DGKI: variants seen among roughly 807,000 people sequenced by gnomAD.
DGKI encodes DAG kinase iota.
DGKI carries 55 observed loss-of-function variants against 147.5 expected under a neutral mutation model. That is an observed-to-expected ratio of 0.37 (90% CI 0.30 to 0.47). The LOEUF (loss-of-function observed/expected upper bound fraction) is 0.47. Ranked by LOEUF, DGKI falls within the 20% of genes least tolerant of loss-of-function variation. The pLI is 1.00. For synonymous variants in DGKI, 469 were observed against 477.1 expected, an observed-to-expected ratio of 0.98 and a Z score of 0.22; for missense variants, 1,007 against 1,323.8, an observed-to-expected ratio of 0.76 and a Z score of 3.71.
chr7:137,710,716 A>G (rs554941244), intron 1 of DGKI, among the ~76,000 whole-genome samples: 19 of 152,280 alleles, frequency 1.2e-4, no homozygotes, highest in African/African-American at 4.6e-4. Context: ...CAAAGTGAAC[A>G]GAAGTATTTA....
intron 1 of DGKI, among the ~76,000 whole-genome samples, chr7:137,819,922 T>C (rs1797849894): frequency 6.6e-6 from 1 of 152,246 alleles, no homozygotes; most frequent in South Asian, 2.1e-4. Flanking sequence ...AGTTCAAATG[T>C]CACTACCGCT....
At chr7:137,536,175 T>C (rs991740136) in intron 20 of DGKI, among the ~76,000 whole-genome samples, 59 of 152,150 alleles carry the variant, frequency 3.9e-4, no homozygotes, top group African/African-American at 1.4e-3. Flanking sequence ...AGAAGTGATA[T>C]TGACAGCAGA....
intron 16 of DGKI, among the ~76,000 whole-genome samples, chr7:137,577,729 C>G (rs1206737885): frequency 1.3e-5 from 2 of 152,154 alleles, no homozygotes; most frequent in African/African-American, 2.4e-5. Flanking sequence ...TAAATTTAAA[C>G]TGTACTGATA....
At chr7:137,781,793 C>T (rs1796525971) in intron 1 of DGKI, among the ~76,000 whole-genome samples, 1 of 152,070 alleles carries the variant, frequency 6.6e-6, no homozygotes, top group Admixed American at 6.5e-5. Flanking sequence ...AGGACATGTC[C>T]CACTGTGCAG....
chr7:137,814,449 A>G (rs1363109426), intron 1 of DGKI, among the ~76,000 whole-genome samples: 5 of 152,016 alleles, frequency 3.3e-5, no homozygotes, highest in Non-Finnish European at 7.4e-5. Flanking sequence ...TTAGTTCATT[A>G]TTTTTCCCAC....
intron 1 of DGKI, among the ~76,000 whole-genome samples, chr7:137,718,881 T>G (rs1794464493): frequency 6.6e-6 from 1 of 152,192 alleles, no homozygotes; most frequent in African/African-American, 2.4e-5. Context: ...GTGGCCAATG[T>G]GATCACTGCA....
chr7:137,761,521 T>A (rs898303927), intron 1 of DGKI, among the ~76,000 whole-genome samples: 2 of 152,220 alleles, frequency 1.3e-5, no homozygotes, highest in Admixed American at 6.5e-5. Flanking sequence ...ATGACTATTT[T>A]CTTACCTGAA....
chr7:137,418,178 G>A (rs1004409628), intron 28 of DGKI, among the ~76,000 whole-genome samples: 1 of 152,146 alleles, frequency 6.6e-6, no homozygotes, highest in Non-Finnish European at 1.5e-5. Context: ...CAGACCTCCT[G>A]GGTTTAAGTC....
chr7:137,516,663 T>A (rs1816755671), intron 21 of DGKI, among the ~76,000 whole-genome samples: 1 of 152,058 alleles, frequency 6.6e-6, no homozygotes. Context: ...ATAAATTATG[T>A]TATAATGTTG....
chr7:137,473,103 G>T (rs1199434047), intron 23 of DGKI, among the ~76,000 whole-genome samples: 2 of 152,098 alleles, frequency 1.3e-5, no homozygotes, highest in Admixed American at 1.3e-4. Context: ...AATATAGATG[G>T]TATATATCTT....
chr7:137,709,439 T>C lies in DGKI; in HGVS notation c.402-19437A>G, dbSNP rs914079242. ...GACTAAATCTGAAAGATTCCACTCA[T>C]CTTAAAGACTACAAGAAAAATGTTC... On this transcript the variant is annotated intron_variant, in intron 1 of 32. Transcript: ENST00000614521. 2.6e-5 allele frequency among the ~76,000 whole-genome samples: 4 copies of C among 152,200 alleles called. No homozygotes were observed. In the East Asian group the frequency reaches 7.7e-4, roughly 29 times the overall value.
chr7:137,462,495 C>T (rs550046518), intron 27 of DGKI, among the ~76,000 whole-genome samples: 10 of 152,266 alleles, frequency 6.6e-5, no homozygotes, highest in African/African-American at 9.6e-5. Flanking sequence ...GTGTGTGCCT[C>T]GAAACTTTGC....
rs574968806 is a variant in DGKI, at chr7:137,673,904, C to T, written c.606+4653G>A. ...AGAACAGTTTCTATCTGGCTGTGCC[C>T]GCTAAACGGTGAGGCACTGGGTACT... On this transcript the variant is annotated intron_variant, in intron 3 of 32. Coordinates refer to ENST00000614521, the MANE Select transcript of DGKI (RefSeq NM_001321708.2). Among the ~76,000 whole-genome samples the T allele has an allele frequency of 4.6e-5, 7 of 152,252 alleles. No homozygotes were observed. In the East Asian group the frequency reaches 9.6e-4, roughly 21 times the overall value.
intron 21 of DGKI, among the ~76,000 whole-genome samples, chr7:137,517,264 G>GAAAAGAA (rs1816783165): frequency 1.0e-5 from 1 of 99,742 alleles, no homozygotes. Flanking sequence ...AAGAAAGAAA[G>GAAAAGAA]AAAGAAAGAA....
chr7:137,840,113 A>T (rs573158701), intron 1 of DGKI, among the ~76,000 whole-genome samples: 126 of 152,232 alleles, frequency 8.3e-4, no homozygotes, highest in African/African-American at 2.9e-3. Flanking sequence ...CTCCCTAAAC[A>T]CTATGGGTGT....
intron 1 of DGKI, among the ~76,000 whole-genome samples, chr7:137,739,438 C>T (rs746033770): frequency 4.6e-5 from 7 of 152,140 alleles, no homozygotes; most frequent in Admixed American, 1.3e-4. Context: ...ACAACCTAGG[C>T]TTCCCTGGCT....
chr7:137,670,039 T>A (rs1822786886), intron 3 of DGKI, among the ~76,000 whole-genome samples: 1 of 152,216 alleles, frequency 6.6e-6, no homozygotes, highest in African/African-American at 2.4e-5. Flanking sequence ...CCTGCATACC[T>A]TATATGCTTC....
intron 1 of DGKI, among the ~76,000 whole-genome samples, chr7:137,753,811 A>G (rs1795590530): frequency 6.6e-6 from 1 of 152,174 alleles, no homozygotes; most frequent in South Asian, 2.1e-4. Context: ...CAATAACATC[A>G]GCATCATCGT....
chr7:137,806,729 G>A (rs1457653768), intron 1 of DGKI, among the ~76,000 whole-genome samples: 4 of 152,086 alleles, frequency 2.6e-5, no homozygotes, highest in Non-Finnish European at 4.4e-5. Flanking sequence ...CACCGCACCC[G>A]GCCTGAACCT....
Sources: allele counts gnomAD v4.1 joint callset (sites outside exome capture counted in the v4.1 genomes callset), GRCh38; gene constraint gnomAD v4.1.1; transcripts MANE v1.5; gene names NCBI Gene and HGNC (gene_info 2026-07-23, HGNC 2026-07-21).